The following CDKN2B-AS1 variants were observed in gnomAD, a reference collection of about 807,000 sequenced individuals.
CDKN2B-AS1 encodes CDKN2B and CDKN2A antisense cis and trans regulatory RNA 1, also known as CDKN2B antisense RNA 1 (non-protein coding).
At chr9:22,066,321 G>A (rs1307325317) in intron 4 of CDKN2B-AS1, 1 of 151,858 alleles carries the variant, frequency 6.6e-6, no homozygotes, top group Non-Finnish European at 1.5e-5. Context: ...TCAAACCTGA[G>A]CAGCTGGGAC....
At chr9:22,116,827 G>A (rs187129371) in intron 4 of CDKN2B-AS1, among the ~76,000 whole-genome samples, 3 of 152,306 alleles carry the variant, frequency 2.0e-5, no homozygotes, top group Non-Finnish European at 4.4e-5. Context: ...TTAAACTGGA[G>A]AATGTCATAA....
At position 21,997,794 on chromosome 9, in the gene CDKN2B-AS1, G is replaced by A. The variant is rs1820753184; in HGVS notation, n.29+2633G>A. Among the ~76,000 whole-genome samples, 1 of 152,094 alleles carries A rather than the reference G, an allele frequency of 6.6e-6. No individual in the cohort carries two copies. Among genetic ancestry groups the A allele is most frequent in the Non-Finnish European group, 1.5e-5 (1 of 68,024 alleles). On this transcript the variant is annotated intron_variant and non_coding_transcript_variant, in intron 1 of 4. Transcript: ENST00000650946. The surrounding 1 kb of genome is among the most constrained non-coding windows in gnomAD (Gnocchi z 4.8). ...CACAGCAATATTTAGACTGGTGTTT[G>A]ACTCAAACACTGGGTACCACAGCCT...
chr9:22,025,367 A>G (rs1343513082), intron 1 of CDKN2B-AS1, among the ~76,000 whole-genome samples: 3 of 152,076 alleles, frequency 2.0e-5, no homozygotes, highest in Non-Finnish European at 4.4e-5. Flanking sequence ...TTGCTCCTTT[A>G]TTAGTCAGAG....
intron 3 of CDKN2B-AS1, among the ~76,000 whole-genome samples, chr9:22,055,314 C>G (rs1190689353): frequency 6.6e-6 from 1 of 152,080 alleles, no homozygotes; most frequent in Non-Finnish European, 1.5e-5. Context: ...TTTTAATATT[C>G]TGCTGTTTGA....
chr9:22,003,079 A>G (rs551951718), intron 1 of CDKN2B-AS1: 27 of 213,168 alleles, frequency 1.3e-4, no homozygotes, highest in South Asian at 1.1e-3. Flanking sequence ...AATAGTAACT[A>G]TATGTTTTGC....
intron 4 of CDKN2B-AS1, among the ~76,000 whole-genome samples, chr9:22,088,697 C>A (rs1824949874): frequency 6.6e-6 from 1 of 152,144 alleles, no homozygotes; most frequent in Admixed American, 6.6e-5. Context: ...TTTAAATAGA[C>A]ATAAGTTACA....
At chr9:22,020,336 A>G (rs779788074) in intron 1 of CDKN2B-AS1, among the ~76,000 whole-genome samples, 6 of 152,238 alleles carry the variant, frequency 3.9e-5, no homozygotes, top group Non-Finnish European at 7.3e-5. Flanking sequence ...TGCAATAAAC[A>G]TACACATGCA....
intron 1 of CDKN2B-AS1, among the ~76,000 whole-genome samples, chr9:22,011,032 C>G (rs983781376): frequency 6.6e-6 from 1 of 152,158 alleles, no homozygotes; most frequent in Non-Finnish European, 1.5e-5. Flanking sequence ...GTGAGCTTCG[C>G]GAAGCAAGTT....
intron 4 of CDKN2B-AS1, among the ~76,000 whole-genome samples, chr9:22,061,025 A>G (rs974101165): frequency 6.6e-6 from 1 of 152,210 alleles, no homozygotes; most frequent in Non-Finnish European, 1.5e-5. Context: ...CTATACCACA[A>G]GTTTTTTTAA....
chr9:22,045,954 G>T (rs1823091642), intron 1 of CDKN2B-AS1, among the ~76,000 whole-genome samples: 1 of 152,036 alleles, frequency 6.6e-6, no homozygotes, highest in South Asian at 2.1e-4. Context: ...GAATTCTCTT[G>T]CTATATTAAA....
chr9:22,076,798 T>G (rs918920078), intron 4 of CDKN2B-AS1, among the ~76,000 whole-genome samples: 2 of 152,188 alleles, frequency 1.3e-5, no homozygotes, highest in Admixed American at 6.5e-5. Context: ...GCTCAAGCAA[T>G]CCTCTCACCT....
intron 3 of CDKN2B-AS1, among the ~76,000 whole-genome samples, chr9:22,051,181 G>GCCGC (rs1303706019): frequency 6.6e-6 from 1 of 152,044 alleles, no homozygotes; most frequent in Non-Finnish European, 1.5e-5. Flanking sequence ...CCTTTAAGGG[G>GCCGC]CCCCCTGAGC....
intron 4 of CDKN2B-AS1, chr9:22,096,407 C>G (rs1825275632): frequency 6.6e-6 from 1 of 152,154 alleles, no homozygotes; most frequent in Non-Finnish European, 1.5e-5. Flanking sequence ...CAGACATGCT[C>G]CCTCCCCTCA....
chr9:22,091,885 A>G (rs1446855054), intron 4 of CDKN2B-AS1, among the ~76,000 whole-genome samples: 1 of 152,224 alleles, frequency 6.6e-6, no homozygotes, highest in Non-Finnish European at 1.5e-5. Context: ...GAGAGAGGGC[A>G]TCCCTGTCTT....
intron 1 of CDKN2B-AS1, among the ~76,000 whole-genome samples, chr9:22,037,041 T>C (rs1360176295): frequency 6.6e-6 from 1 of 152,102 alleles, no homozygotes; most frequent in Non-Finnish European, 1.5e-5. Context: ...TGTGTACATG[T>C]CTGGTTTCGT....
At chr9:22,082,471 C>T (rs1824731799) in intron 4 of CDKN2B-AS1, among the ~76,000 whole-genome samples, 1 of 152,180 alleles carries the variant, frequency 6.6e-6, no homozygotes, top group Non-Finnish European at 1.5e-5. Context: ...ATGTGGAAAG[C>T]TACAGAGCCA....
intron 4 of CDKN2B-AS1, among the ~76,000 whole-genome samples, chr9:22,124,261 C>A (rs907326881): frequency 1.3e-5 from 2 of 152,080 alleles, no homozygotes; most frequent in Non-Finnish European, 2.9e-5. Context: ...AACCACAATC[C>A]CACATTTTAA....
chr9:22,062,943 A>G (rs1823881100), intron 4 of CDKN2B-AS1, among the ~76,000 whole-genome samples: 1 of 150,308 alleles, frequency 6.7e-6, no homozygotes, highest in South Asian at 2.1e-4. Flanking sequence ...TGAGGAGATA[A>G]GAAAAGTGAC....
At chr9:21,998,870 G>T (rs946357387) in intron 1 of CDKN2B-AS1, among the ~76,000 whole-genome samples, 1 of 150,542 alleles carries the variant, frequency 6.6e-6, no homozygotes, top group African/African-American at 2.5e-5. Context: ...TAAGAAAAAA[G>T]ATAACATAAG....
Sources: allele counts gnomAD v4.1 joint callset (sites outside exome capture counted in the v4.1 genomes callset), GRCh38; gene constraint gnomAD v4.1.1; non-coding constraint Gnocchi (gnomAD v3.1); transcripts MANE v1.5; gene names NCBI Gene and HGNC (gene_info 2026-07-23, HGNC 2026-07-21).